The following FOXP2 variants were observed in gnomAD, a reference collection of about 807,000 sequenced individuals.
The protein encoded by FOXP2 is forkhead box protein P2.
A neutral mutation model predicts 115.8 loss-of-function variants in FOXP2; 12 were observed. The ratio of observed to expected loss-of-function variants is 0.10; its 90% CI spans 0.07 to 0.17. FOXP2 has a LOEUF of 0.17. Among genes scored for constraint, FOXP2 ranks in the 10% least tolerant of loss-of-function variants. The pLI is 1.00. For missense variants in FOXP2, 629 were observed against 843.5 expected (o/e 0.75, Z 3.15); for synonymous variants, 328 against 297.7 (o/e 1.10, Z -1.05).
chr7:114,383,651 C>G (rs1792365675), intron 2 of FOXP2, among the ~76,000 whole-genome samples: 1 of 152,142 alleles, frequency 6.6e-6, no homozygotes, highest in South Asian at 2.1e-4. Flanking sequence ...AGGTTTCTCC[C>G]CCTTGAAGAG....
chr7:114,434,231 T>C (rs1195156420), intron 2 of FOXP2, among the ~76,000 whole-genome samples: 4 of 151,922 alleles, frequency 2.6e-5, no homozygotes, highest in Non-Finnish European at 5.9e-5. Context: ...TGATTGTCAT[T>C]TTGAGTTCAA....
At chr7:114,153,547 C>T (rs1379212872) in intron 1 of FOXP2, among the ~76,000 whole-genome samples, 1 of 152,042 alleles carries the variant, frequency 6.6e-6, no homozygotes, top group African/African-American at 2.4e-5. Context: ...TATTTTCTAG[C>T]ATTGGGGGGA....
At chr7:114,181,772 T>A (rs924230546) in intron 1 of FOXP2, among the ~76,000 whole-genome samples, 7 of 152,070 alleles carry the variant, frequency 4.6e-5, no homozygotes, top group African/African-American at 1.7e-4. Context: ...ATGACCTAAT[T>A]AGTAAAAAGG....
At chr7:114,657,507 A>G (rs1806651001) in intron 10 of FOXP2, among the ~76,000 whole-genome samples, 1 of 152,198 alleles carries the variant, frequency 6.6e-6, no homozygotes, top group South Asian at 2.1e-4. Context: ...CTAATTTGCA[A>G]TTAAGACAAT....
intron 3 of FOXP2, among the ~76,000 whole-genome samples, chr7:114,580,253 G>T (rs1477222246): frequency 6.6e-6 from 1 of 152,140 alleles, no homozygotes; most frequent in African/African-American, 2.4e-5. Flanking sequence ...ATCTTAACTA[G>T]GGGAAGGATA....
rs151206675 is a variant in FOXP2, at chr7:114,364,704, A to C, written c.-10-61798A>C. Among the ~76,000 whole-genome samples the C allele has an allele frequency of 3.1e-4, 47 of 152,264 alleles. No individual in the cohort carries two copies. The East Asian group carries it at 8.3e-3, about 27-fold the overall frequency. ...ATTTAGATTTCCATAAACGGTATGG[A>C]TTTGCAGTAGGCTCATTTAGTTTTT... On this transcript the variant is annotated intron_variant, in intron 2 of 17. Transcript: ENST00000634411.
intron 1 of FOXP2, among the ~76,000 whole-genome samples, chr7:114,145,444 T>TTCTTC (rs1792341495): frequency 1.1e-5 from 1 of 93,766 alleles, no homozygotes; most frequent in Non-Finnish European, 1.8e-5. Context: ...TTCTTTTCTT[T>TTCTTC]TCTTTTCTTT....
At chr7:114,288,190 T>G in intron 2 of FOXP2, 1 of 425,432 alleles carries the variant, frequency 2.4e-6, no homozygotes, top group South Asian at 1.7e-5. Context: ...ACTCTTTAGT[T>G]TTTTTGGTTA....
At chr7:114,133,949 A>G (rs1336131608) in intron 1 of FOXP2, among the ~76,000 whole-genome samples, 2 of 152,154 alleles carry the variant, frequency 1.3e-5, no homozygotes, top group African/African-American at 4.8e-5. Flanking sequence ...AAATCTTTAA[A>G]TGACCCAGTC....
chr7:114,481,130 C>T (rs1562951755), intron 2 of FOXP2, among the ~76,000 whole-genome samples: 1 of 151,080 alleles, frequency 6.6e-6, no homozygotes, highest in African/African-American at 2.4e-5. Flanking sequence ...TATTTTAACT[C>T]AACAAGTTTG....
intron 1 of FOXP2, among the ~76,000 whole-genome samples, chr7:114,099,352 C>T (rs1584478145): frequency 6.6e-6 from 1 of 152,084 alleles, no homozygotes; most frequent in South Asian, 2.1e-4. Context: ...AGTATGGCTA[C>T]TATCAAAAAG....
intron 7 of FOXP2, among the ~76,000 whole-genome samples, chr7:114,644,287 TAAAAAGAG>T (rs1805748133): frequency 6.6e-6 from 1 of 152,216 alleles, no homozygotes; most frequent in Non-Finnish European, 1.5e-5. Flanking sequence ...ATATCTTCTT[TAAAAAGAG>T]CATTTCAAAA....
chr7:114,159,519 A>G (rs576319109), upstream of FOXP2, among the ~76,000 whole-genome samples: 2 of 151,884 alleles, frequency 1.3e-5, no homozygotes, highest in African/African-American at 4.8e-5. Context: ...ACAGTAATTT[A>G]TTTATGAAAA....
At chr7:114,425,032 G>A (rs1793780908) in intron 1 of FOXP2, among the ~76,000 whole-genome samples, 1 of 150,866 alleles carries the variant, frequency 6.6e-6, no homozygotes, top group African/African-American at 2.4e-5. Context: ...TTTTAATATT[G>A]GCATTCAAAA....
At chr7:114,333,427 A>G (rs1797762582) in intron 2 of FOXP2, among the ~76,000 whole-genome samples, 1 of 152,112 alleles carries the variant, frequency 6.6e-6, no homozygotes, top group Non-Finnish European at 1.5e-5. Flanking sequence ...CTGTGATTAG[A>G]GGTTATTTTC....
At chr7:114,529,553 T>A (rs915446490) in intron 2 of FOXP2, among the ~76,000 whole-genome samples, 1 of 151,862 alleles carries the variant, frequency 6.6e-6, no homozygotes, top group Non-Finnish European at 1.5e-5. Context: ...TTGGCCTCCA[T>A]AGTGATGTAC....
At chr7:114,243,531 T>C (rs1795204637) in intron 1 of FOXP2, among the ~76,000 whole-genome samples, 1 of 152,166 alleles carries the variant, frequency 6.6e-6, no homozygotes, top group Non-Finnish European at 1.5e-5. Context: ...TGGCACTACA[T>C]TTTTGAACCA....
At chr7:114,195,836 T>A (rs556954503) in intron 1 of FOXP2, among the ~76,000 whole-genome samples, 38 of 152,202 alleles carry the variant, frequency 2.5e-4, no homozygotes, top group Non-Finnish European at 4.7e-4. Flanking sequence ...TGACAACTAA[T>A]GCACCTTAGA....
chr7:114,670,534 A>T (rs1030043082), intron 16 of FOXP2, among the ~76,000 whole-genome samples: 2 of 152,044 alleles, frequency 1.3e-5, no homozygotes, highest in Admixed American at 6.6e-5. Context: ...TCTCCTGTTG[A>T]TAATATTTTG....
Sources: allele counts gnomAD v4.1 joint callset (sites outside exome capture counted in the v4.1 genomes callset), GRCh38; gene constraint gnomAD v4.1.1; transcripts MANE v1.5; gene names NCBI Gene and HGNC (gene_info 2026-07-23, HGNC 2026-07-21).